PDE4D: variants seen among roughly 807,000 people sequenced by gnomAD.
The protein encoded by PDE4D is 3',5'-cyclic-AMP phosphodiesterase 4D.
In PDE4D, 24 loss-of-function variants were observed where a neutral mutation model predicts 87.4. The ratio of observed to expected loss-of-function variants is 0.27; its 90% confidence interval spans 0.20 to 0.39. The LOEUF (loss-of-function observed/expected upper bound fraction) is 0.39, where lower values mean the gene tolerates loss of function less well. Among genes scored for constraint, PDE4D ranks in the 10% least tolerant of loss-of-function variants. The pLI is 1.00. For missense variants in PDE4D, 714 were observed against 1,041.0 expected (o/e 0.69, Z 4.32); for synonymous variants, 384 against 383.2 (o/e 1.00, Z -0.02).
intron 1 of PDE4D, among the ~76,000 whole-genome samples, chr5:59,432,731 A>G (rs968988996): frequency 6.6e-6 from 1 of 152,188 alleles, no homozygotes; most frequent in African/African-American, 2.4e-5. Context: ...GCCTTTCTGA[A>G]CTGAAATATA....
At chr5:59,222,217 C>T (rs1173101184) in intron 1 of PDE4D, among the ~76,000 whole-genome samples, 1 of 152,226 alleles carries the variant, frequency 6.6e-6, no homozygotes, top group African/African-American at 2.4e-5. Flanking sequence ...CATCCACGCT[C>T]TCAACTGCTC....
chr5:59,405,682 A>G (rs1791484525), intron 1 of PDE4D, among the ~76,000 whole-genome samples: 1 of 152,144 alleles, frequency 6.6e-6, no homozygotes, highest in Admixed American at 6.5e-5. Flanking sequence ...TCTGTCATAT[A>G]TGGCTTTCCT....
chr5:59,039,212 G>C, intron 5 of PDE4D: 1 of 1,293,540 alleles, frequency 7.7e-7, no homozygotes, highest in South Asian at 2.0e-5. Context: ...TCGGCCTCCA[G>C]GGAGGGCGTG....
chr5:59,925,666 A>C (rs73099598), intron 3 of PDE4D, among the ~76,000 whole-genome samples: 3,375 of 152,318 alleles, frequency 0.022, 134 homozygotes, highest in African/African-American at 0.077. Context: ...ATAAAGGGAT[A>C]GATAAATATA....
At chr5:59,488,880 A>G (rs951510953) in intron 1 of PDE4D, among the ~76,000 whole-genome samples, 2 of 152,180 alleles carry the variant, frequency 1.3e-5, no homozygotes, top group African/African-American at 2.4e-5. Context: ...CGCATAAAAC[A>G]TCTGTGCTTT....
intron 2 of PDE4D, chr5:60,127,569 T>G: frequency 4.2e-6 from 2 of 478,418 alleles, no homozygotes; most frequent in Non-Finnish European, 3.7e-6. Flanking sequence ...CAGGCCTTAG[T>G]GATAGGGTAC....
At chr5:60,086,452 T>C (rs1774543593) in intron 2 of PDE4D, among the ~76,000 whole-genome samples, 1 of 152,192 alleles carries the variant, frequency 6.6e-6, no homozygotes. Context: ...CTAAACAAAC[T>C]CATAAGAACA....
At chr5:59,007,367 T>C (rs1468560788) in intron 6 of PDE4D, among the ~76,000 whole-genome samples, 1 of 152,180 alleles carries the variant, frequency 6.6e-6, no homozygotes, top group Admixed American at 6.5e-5. Flanking sequence ...AATGCAAATC[T>C]AATTTTTAAA....
At chr5:60,421,645 G>A (rs1171805370) in intron 1 of PDE4D, among the ~76,000 whole-genome samples, 2 of 152,162 alleles carry the variant, frequency 1.3e-5, no homozygotes, top group Non-Finnish European at 2.9e-5. Flanking sequence ...TCTTCCAAAG[G>A]ATCACAGCTC....
At chr5:60,033,052 A>G (rs1361100603) in intron 2 of PDE4D, 1 of 152,204 alleles carries the variant, frequency 6.6e-6, no homozygotes, top group Middle Eastern at 3.2e-3. Context: ...ATTTGTGATT[A>G]GAGATCATGT....
At chr5:59,535,781 A>G (rs1006183134) in intron 1 of PDE4D, among the ~76,000 whole-genome samples, 3 of 152,214 alleles carry the variant, frequency 2.0e-5, no homozygotes, top group African/African-American at 7.2e-5. Context: ...AAGGCATCAG[A>G]GGAGCTATAA....
intron 1 of PDE4D, among the ~76,000 whole-genome samples, chr5:59,713,355 G>A (rs557443607): frequency 4.3e-4 from 65 of 152,298 alleles, no homozygotes; most frequent in African/African-American, 1.4e-3. Context: ...ACTACACCAC[G>A]TAAGGCGCAT....
At chr5:59,971,987 G>A (rs1760821643) in intron 3 of PDE4D, among the ~76,000 whole-genome samples, 1 of 152,176 alleles carries the variant, frequency 6.6e-6, no homozygotes, top group Admixed American at 6.5e-5. Context: ...TGGGAGGCTG[G>A]ATCAGTCTGC....
chr5:60,013,620 AATTT>A (rs747398350), intron 2 of PDE4D, among the ~76,000 whole-genome samples: 31 of 152,142 alleles, frequency 2.0e-4, no homozygotes, highest in Non-Finnish European at 3.8e-4. Flanking sequence ...GAAGTTGACA[AATTT>A]ATTTCTGTCC....
intron 1 of PDE4D, chr5:59,586,707 A>C: frequency 1.0e-6 from 1 of 985,420 alleles, no homozygotes; most frequent in Non-Finnish European, 1.2e-6. Context: ...GGTAAAATCT[A>C]ACCGCCTTGA....
At chr5:59,784,907 G>GT (rs151144782) in intron 1 of PDE4D, among the ~76,000 whole-genome samples, 1,648 of 152,088 alleles carry the variant, frequency 0.011, 28 homozygotes, top group African/African-American at 0.034. Flanking sequence ...CTTTTTCATG[G>GT]TTTTTCTCTC....
intron 5 of PDE4D, among the ~76,000 whole-genome samples, chr5:59,129,410 GT>G (rs1009932307): frequency 6.6e-6 from 1 of 152,042 alleles, no homozygotes; most frequent in African/African-American, 2.4e-5. Flanking sequence ...GCAAAGACGT[GT>G]TTTTAAAAAG....
At chr5:59,402,878 C>G (rs1790918930) in intron 1 of PDE4D, among the ~76,000 whole-genome samples, 1 of 152,036 alleles carries the variant, frequency 6.6e-6, no homozygotes, top group African/African-American at 2.4e-5. Context: ...CTCTTTCTAT[C>G]CTCCCATTAC....
At chr5:59,672,055 T>G (rs1294378684) in intron 1 of PDE4D, among the ~76,000 whole-genome samples, 2 of 152,148 alleles carry the variant, frequency 1.3e-5, no homozygotes, top group Non-Finnish European at 2.9e-5. Context: ...GAGATATTCA[T>G]GGACCCTCCC....
Sources: allele counts gnomAD v4.1 joint callset (sites outside exome capture counted in the v4.1 genomes callset), GRCh38; gene constraint gnomAD v4.1.1; transcripts MANE v1.5; gene names NCBI Gene and HGNC (gene_info 2026-07-23, HGNC 2026-07-21).